ZNF710: variants seen among roughly 807,000 people sequenced by gnomAD.
The protein encoded by ZNF710 is zinc finger protein 710.
ZNF710 carries 13 observed loss-of-function variants against 50.6 expected under a neutral mutation model. The ratio of observed to expected loss-of-function variants is 0.26; its 90% CI spans 0.17 to 0.41. ZNF710 has a LOEUF of 0.41. Among genes scored for constraint, ZNF710 ranks in the 10% least tolerant of loss-of-function variants. ZNF710 has a pLI of 1.00. For synonymous variants in ZNF710, 383 were observed against 397.0 expected (o/e 0.96, Z 0.42); for missense variants, 721 against 936.6 (o/e 0.77, Z 3.01).
intron 4 of ZNF710, among the ~76,000 whole-genome samples, chr15:90,077,500 T>G (rs1207767590): frequency 6.6e-6 from 1 of 152,064 alleles, no homozygotes; most frequent in African/African-American, 2.4e-5. Context: ...TGCCTTGGCC[T>G]CCCAAAGTGC....
chr15:90,067,780 G>A lies in ZNF710; in HGVS notation c.643G>A (p.Glu215Lys). The A allele has an allele frequency of 6.3e-7, 1 of 1,585,492 alleles. No homozygotes were observed. Among genetic ancestry groups the A allele is most frequent in the Non-Finnish European group, 8.6e-7 (1 of 1,166,862 alleles). Residue 215 changes from glutamate (E) to lysine (K), a missense_variant, in exon 2 of 5, where the codon GAG (glutamate) becomes AAG (lysine). Transcript: ENST00000268154. This position sits in a 1 kb window ranked among gnomAD's most constrained non-coding sequence, Gnocchi z 8.1. ...GCCTGGGCCAGAGGCCTTGCCCACA[G>A]AGTGTGGGTTCGAGCCACCCCACCT... is the stretch of plus-strand genomic sequence containing the variant. ...ALPGPEALPT[E>K]CGFEPPHLAP...
intron 1 of ZNF710, among the ~76,000 whole-genome samples, chr15:90,066,336 T>C (rs931814990): frequency 6.6e-6 from 1 of 152,192 alleles, no homozygotes; most frequent in African/African-American, 2.4e-5. Flanking sequence ...TTAATTACTT[T>C]GGCAACAAAG....
chr15:90,028,938 A>C (rs949933529), intron 1 of ZNF710, among the ~76,000 whole-genome samples: 7 of 152,234 alleles, frequency 4.6e-5, no homozygotes, highest in Non-Finnish European at 1.5e-5. Context: ...GAAGAAATAC[A>C]CAAGAAGTGG....
chr15:90,043,070 G>C (rs185810356), intron 1 of ZNF710, among the ~76,000 whole-genome samples: 1 of 152,242 alleles, frequency 6.6e-6, no homozygotes, highest in Non-Finnish European at 1.5e-5. Flanking sequence ...CGAGGGGACA[G>C]CCCATCCCAG....
At chr15:90,070,732 T>C (rs112550717) in intron 2 of ZNF710, among the ~76,000 whole-genome samples, 9,220 of 152,108 alleles carry the variant, frequency 0.061, 734 homozygotes, top group African/African-American at 0.17. Flanking sequence ...AGCAGGAGGA[T>C]TGCTTGAGCC....
intron 1 of ZNF710, among the ~76,000 whole-genome samples, chr15:90,030,887 C>T (rs1371725531): frequency 6.6e-6 from 1 of 151,744 alleles, no homozygotes; most frequent in Non-Finnish European, 1.5e-5. Flanking sequence ...GGCATGGTGG[C>T]GCGCGCCTGT....
In ZNF710 at chr15:90,079,704, G is replaced by A. The variant is rs117711777; in HGVS notation, c.1870G>A (p.Gly624Ser). ...LTGTDPSELD[G>S]QQEMEDFEEN... Reference sequence around the variant, plus strand: ...AGGCACTGACCCTTCAGAGCTCGACGGCCAGCAGGAGATGGAGGACTTCGA... The same window carrying A: ...AGGCACTGACCCTTCAGAGCTCGACAGCCAGCAGGAGATGGAGGACTTCGA... The change falls in exon 5 of 5, where the codon GGC (glycine) becomes AGC (serine). Residue 624 changes from glycine to serine, a missense_variant. Physicochemically the swap from Gly to Ser is moderately conservative, Grantham distance 56. Around this residue, in one of 3 missense-constraint regions of ZNF710, gnomAD observed 69 missense variants for 67.6 expected, o/e 1.02. Coordinates refer to ENST00000268154, the MANE Select transcript of ZNF710 (RefSeq NM_198526.4). The A allele has an allele frequency of 9.3e-3, 15,020 of 1,613,900 alleles. 95 individuals carry two copies. The highest frequency in any genetic ancestry group is 0.016 in the Middle Eastern group (98 of 6,060).
At chr15:90,025,898 AGAAAGCATT>A (rs1898760709) in intron 1 of ZNF710, 1 of 152,246 alleles carries the variant, frequency 6.6e-6, no homozygotes, top group Non-Finnish European at 1.5e-5. Flanking sequence ...ACAAATATTT[AGAAAGCATT>A]GAAAACTAGA....
chr15:90,060,283 T>C (rs554750718), intron 1 of ZNF710, among the ~76,000 whole-genome samples: 3 of 152,354 alleles, frequency 2.0e-5, no homozygotes, highest in African/African-American at 4.8e-5. Flanking sequence ...CCTGGCACAG[T>C]GGCTTAGGCC....
Position 90,003,227 on chromosome 15 carries a change from G to A in ZNF710, c.-29+1613G>A, listed in dbSNP as rs1254362151. The stretch of plus-strand genomic sequence containing the variant: ...AATCCAGTGAGGGACCAACGTCATG[G>A]CCCACCCTTGAGCTGCAGGCCGAGT... On this transcript the variant is annotated intron_variant, in intron 1 of 4. Transcript: ENST00000268154. Among the ~76,000 whole-genome samples, 4 of 152,166 alleles carry A rather than the reference G, an allele frequency of 2.6e-5. No individual in the cohort carries two copies. The South Asian group carries it at 6.2e-4, about 24-fold the overall frequency.
chr15:90,072,773 A>C (rs1355104069), intron 2 of ZNF710, among the ~76,000 whole-genome samples: 1 of 152,202 alleles, frequency 6.6e-6, no homozygotes, highest in Non-Finnish European at 1.5e-5. Flanking sequence ...GCACTAGTAC[A>C]GACCTTATGT....
Position 90,067,687 on chromosome 15 carries a change from G to T in ZNF710, c.550G>T (p.Val184Leu). The T allele has an allele frequency of 1.2e-6, 2 of 1,612,450 alleles. No individual in the cohort carries two copies. The highest frequency in any genetic ancestry group is 3.3e-5 in the Admixed American group (2 of 59,958). Reference protein sequence around the residue: ...LPRTPRPELNVAPYDPHFPAP... With the variant: ...LPRTPRPELNLAPYDPHFPAP... ...CCGAACCCCGAGGCCGGAGCTGAACGTGGCCCCATATGACCCTCACTTCCC... is the reference window on the plus strand; with the variant it reads ...CCGAACCCCGAGGCCGGAGCTGAACTTGGCCCCATATGACCCTCACTTCCC... Residue 184 changes from valine (V) to leucine (L), a missense_variant, in exon 2 of 5, where the codon GTG (valine) becomes TTG (leucine). Transcript: ENST00000268154. This position sits in a 1 kb window ranked among gnomAD's most constrained non-coding sequence, Gnocchi z 8.1.
chr15:90,060,204 C>T (rs1899964754), intron 1 of ZNF710, among the ~76,000 whole-genome samples: 1 of 151,022 alleles, frequency 6.6e-6, no homozygotes, highest in Non-Finnish European at 1.5e-5. Flanking sequence ...CTTTAATTTG[C>T]CCCTTCTATC....
At chr15:90,033,811 C>T (rs1448678502) in intron 1 of ZNF710, among the ~76,000 whole-genome samples, 3 of 152,198 alleles carry the variant, frequency 2.0e-5, no homozygotes, top group Non-Finnish European at 4.4e-5. Context: ...TAAGAGATGG[C>T]CTTCTGAGTC....
chr15:89,998,777 C>G (rs1897963420), upstream of ZNF710, among the ~76,000 whole-genome samples: 1 of 152,204 alleles, frequency 6.6e-6, no homozygotes, highest in African/African-American at 2.4e-5. Context: ...GAGAGGTTGA[C>G]TTGCCCAGGA....
chr15:90,071,677 C>CTTTTTTTTTTTTTTTTTTTTTTTTTT (rs201729973), intron 2 of ZNF710, among the ~76,000 whole-genome samples: 2 of 127,260 alleles, frequency 1.6e-5, no homozygotes, highest in African/African-American at 5.8e-5. Context: ...TTTATTTTTA[C>CTTTTTTTTTTTTTTTTTTTTTTTTTT]TCTTTTTTTT....
chr15:90,048,180 G>A (rs1383321643), intron 1 of ZNF710, among the ~76,000 whole-genome samples: 1 of 152,268 alleles, frequency 6.6e-6, no homozygotes, highest in Non-Finnish European at 1.5e-5. Context: ...TCAGATGCCA[G>A]TGCAGAACCT....
chr15:90,019,811 C>G (rs1324272289), intron 1 of ZNF710, among the ~76,000 whole-genome samples: 2 of 152,202 alleles, frequency 1.3e-5, no homozygotes, highest in Non-Finnish European at 2.9e-5. Context: ...TTCTCTGGTG[C>G]CAGCCGTTAG....
At chr15:90,005,376 G>A (rs1241527467) in intron 1 of ZNF710, among the ~76,000 whole-genome samples, 1 of 152,226 alleles carries the variant, frequency 6.6e-6, no homozygotes, top group African/African-American at 2.4e-5. Flanking sequence ...GCAGGAGGGG[G>A]CTGGGAAGAG....
Sources: allele counts gnomAD v4.1 joint callset (sites outside exome capture counted in the v4.1 genomes callset), GRCh38; gene constraint gnomAD v4.1.1; regional missense constraint gnomAD v4.1.1; non-coding constraint Gnocchi (gnomAD v3.1); transcripts MANE v1.5; gene names NCBI Gene and HGNC (gene_info 2026-07-23, HGNC 2026-07-21).